Variants in CSMD1 observed in about 807,000 individuals in gnomAD.
The protein encoded by CSMD1 is CUB and Sushi multiple domains 1, also known as CUB and sushi domain-containing protein 1.
In CSMD1, 213 loss-of-function variants were observed where a neutral mutation model predicts 417.5. That is an observed-to-expected ratio of 0.51 (90% CI 0.46 to 0.57). The LOEUF is 0.57. Among genes scored for constraint, CSMD1 ranks in the 20% least tolerant of loss-of-function variants. The probability of loss-of-function intolerance (pLI) is 0.00; values close to 1 mark genes in which losing one functional copy is unlikely to be tolerated. For synonymous variants in CSMD1, 2,862 were observed against 1,736.8 expected (o/e 1.65, Z -16.11); for missense variants, 6,923 against 4,529.7 (o/e 1.53, Z -15.17).
chr8:3,670,320 A>G (rs1798922979), intron 7 of CSMD1, among the ~76,000 whole-genome samples: 1 of 151,878 alleles, frequency 6.6e-6, no homozygotes, highest in Admixed American at 6.6e-5. Flanking sequence ...GCCCTCCAGC[A>G]TCAGACTCCA....
At chr8:3,582,862 A>G (rs1027320037) in intron 9 of CSMD1, among the ~76,000 whole-genome samples, 4 of 152,192 alleles carry the variant, frequency 2.6e-5, no homozygotes, top group African/African-American at 9.6e-5. Flanking sequence ...AATCACATAC[A>G]TAGTTTGGGA....
intron 1 of CSMD1, among the ~76,000 whole-genome samples, chr8:4,829,361 AC>A (rs1251189325): frequency 2.0e-5 from 3 of 152,172 alleles, no homozygotes; most frequent in African/African-American, 7.2e-5. Context: ...ATACTGGGCA[AC>A]ACTCTGCTAA....
intron 3 of CSMD1, among the ~76,000 whole-genome samples, chr8:4,153,109 A>C (rs889244122): frequency 1.3e-5 from 2 of 152,216 alleles, no homozygotes; most frequent in African/African-American, 4.8e-5. Flanking sequence ...ATGTAGCCGT[A>C]AAGGAAAATG....
At chr8:4,482,885 G>C (rs541943166) in intron 2 of CSMD1, among the ~76,000 whole-genome samples, 20 of 152,220 alleles carry the variant, frequency 1.3e-4, no homozygotes, top group South Asian at 8.3e-4. Flanking sequence ...TCATAAAGTA[G>C]GGGCATGTAT....
At chr8:3,511,071 T>C (rs1797045423) in intron 10 of CSMD1, among the ~76,000 whole-genome samples, 1 of 151,862 alleles carries the variant, frequency 6.6e-6, no homozygotes, top group African/African-American at 2.4e-5. Flanking sequence ...TGACTTGATG[T>C]CCTTTGCAGG....
intron 37 of CSMD1, among the ~76,000 whole-genome samples, chr8:3,166,515 C>G (rs535121222): frequency 1.3e-5 from 2 of 152,208 alleles, no homozygotes; most frequent in African/African-American, 4.8e-5. Flanking sequence ...GCCTGGGCAA[C>G]AGAGCGAGAC....
In CSMD1 at chr8:3,155,359, ATTTTTTTTTTTT is replaced by A. The variant is rs556304192; in HGVS notation, c.5914+2526_5914+2537del. ...TTTTTCCTTCCAAATCAAGGCTGGG[ATTTTTTTTTTTT>A]TTTTTTTTTTTTTTGAGACAGAATC... is the stretch of plus-strand genomic sequence containing the variant. On this transcript the variant is annotated intron_variant, in intron 39 of 69. Coordinates refer to ENST00000635120, the MANE Select transcript of CSMD1 (RefSeq NM_033225.6). 6.9e-5 allele frequency among the ~76,000 whole-genome samples: 3 copies of A among 43,322 alleles called. No homozygotes were observed. The East Asian group carries it at 2.0e-3, about 29-fold the overall frequency. 28.4% of individuals were successfully genotyped at this position (43,322 alleles called of 152,430 possible).
intron 22 of CSMD1, among the ~76,000 whole-genome samples, chr8:3,345,689 T>C (rs1351927907): frequency 6.6e-6 from 1 of 152,218 alleles, no homozygotes; most frequent in Non-Finnish European, 1.5e-5. Flanking sequence ...TGTAAGTATC[T>C]GCACTACAAA....
intron 1 of CSMD1, among the ~76,000 whole-genome samples, chr8:4,944,231 G>T (rs1808217434): frequency 6.6e-6 from 1 of 152,134 alleles, no homozygotes; most frequent in Non-Finnish European, 1.5e-5. Context: ...ACCAAAAGAT[G>T]ATAGAAAGTA....
chr8:4,501,660 G>A (rs988055955), intron 2 of CSMD1, among the ~76,000 whole-genome samples: 2 of 152,136 alleles, frequency 1.3e-5, no homozygotes, highest in Non-Finnish European at 2.9e-5. Flanking sequence ...CTCCATCCCA[G>A]CCAGGACATG....
chr8:4,291,735 G>A (rs1360656936), intron 3 of CSMD1, among the ~76,000 whole-genome samples: 1 of 152,162 alleles, frequency 6.6e-6, no homozygotes, highest in East Asian at 1.9e-4. Context: ...GTTATATGCG[G>A]AGACAAAAGT....
chr8:4,318,491 A>G (rs1799066895), intron 3 of CSMD1, among the ~76,000 whole-genome samples: 1 of 152,130 alleles, frequency 6.6e-6, no homozygotes, highest in Non-Finnish European at 1.5e-5. Context: ...GCTTGCATTC[A>G]GGACCTACTC....
At chr8:3,360,509 G>A (rs1017821284) in intron 20 of CSMD1, among the ~76,000 whole-genome samples, 3 of 152,186 alleles carry the variant, frequency 2.0e-5, no homozygotes, top group Non-Finnish European at 1.5e-5. Context: ...TCCCCAGTCT[G>A]TAATGCCCAG....
At chr8:4,594,857 T>A (rs190959469) in intron 2 of CSMD1, among the ~76,000 whole-genome samples, 5 of 152,146 alleles carry the variant, frequency 3.3e-5, no homozygotes, top group East Asian at 1.9e-4. Context: ...CCTTAGTAAA[T>A]CTTCATCATG....
chr8:4,734,736 A>C (rs545550942), intron 1 of CSMD1, among the ~76,000 whole-genome samples: 1 of 152,292 alleles, frequency 6.6e-6, no homozygotes, highest in African/African-American at 2.4e-5. Flanking sequence ...ATAGGCAAAT[A>C]AATTATTGGC....
rs139289540 is a variant in CSMD1, at chr8:4,612,735, G to T, written c.302+24607C>A. Among the ~76,000 whole-genome samples, 201 of 152,296 alleles carry T rather than the reference G, an allele frequency of 1.3e-3. 1 individual carries two copies. The highest frequency in any genetic ancestry group is 4.7e-3 in the African/African-American group (197 of 41,550). On this transcript the variant is annotated intron_variant, in intron 2 of 69. Coordinates refer to ENST00000635120, the MANE Select transcript of CSMD1 (RefSeq NM_033225.6). The stretch of plus-strand genomic sequence containing the variant: ...TGGAGGCTGGTGGGTGTGTTTGTGT[G>T]TGCAAATGTGTGTGTACCTGCAAAT...
At chr8:4,319,212 G>A (rs894912616) in intron 3 of CSMD1, among the ~76,000 whole-genome samples, 8 of 152,134 alleles carry the variant, frequency 5.3e-5, no homozygotes, top group African/African-American at 1.9e-4. Flanking sequence ...AGATTTTGAT[G>A]AAAAGTGACC....
intron 3 of CSMD1, among the ~76,000 whole-genome samples, chr8:4,049,017 C>A (rs1041554917): frequency 6.6e-6 from 1 of 152,096 alleles, no homozygotes; most frequent in Non-Finnish European, 1.5e-5. Flanking sequence ...TAATGATCAC[C>A]TTTTCAAGAC....
rs190118870 is a variant in CSMD1, at chr8:3,556,051, C to T, written c.1344+18894G>A. 3.7e-3 allele frequency among the ~76,000 whole-genome samples: 563 copies of T among 152,172 alleles called. 2 individuals are homozygous for T. Among genetic ancestry groups the T allele is most frequent in the African/African-American group, 0.011 (447 of 41,512 alleles). On this transcript the variant is annotated intron_variant, in intron 10 of 69. Coordinates refer to ENST00000635120, the MANE Select transcript of CSMD1 (RefSeq NM_033225.6). ...ATAGAGGAATTTGACATTAACTTTT[C>T]GCTCTAGATGTTCTTAAGTATGTAT...
Sources: gnomAD v4.1 joint callset for allele counts (sites outside exome capture counted in the v4.1 genomes callset) on GRCh38, gnomAD v4.1.1 for gene constraint, MANE v1.5 for transcripts, NCBI Gene and HGNC (gene_info 2026-07-23, HGNC 2026-07-21) for gene names.